The following TXN variants were observed in gnomAD, a reference collection of about 807,000 sequenced individuals.
TXN encodes the protein ADF.
In TXN, 10 loss-of-function variants were observed where a neutral mutation model predicts 16.5. The ratio of observed to expected loss-of-function variants is 0.61; its 90% CI spans 0.37 to 1.03. TXN has a LOEUF of 1.03. Ranked by LOEUF, TXN falls within the 50% of genes least tolerant of loss-of-function variation. The pLI, the probability that TXN is intolerant of heterozygous loss-of-function variation, is 0.01. For synonymous variants in TXN, 35 were observed against 39.4 expected, an observed-to-expected ratio of 0.89 and a Z score of 0.42; for missense variants, 71 against 122.5, an observed-to-expected ratio of 0.58 and a Z score of 1.98.
intron 3 of TXN, among the ~76,000 whole-genome samples, chr9:110,249,378 T>C (rs1289552843): frequency 6.6e-6 from 1 of 151,906 alleles, no homozygotes; most frequent in African/African-American, 2.4e-5. Context: ...TCATCATTCA[T>C]TCATTCCACA....
chr9:110,251,619 A>G (rs551525642), intron 1 of TXN, among the ~76,000 whole-genome samples, 157 bp from the exon 2 acceptor site: 1 of 138,894 alleles, frequency 7.2e-6, no homozygotes, highest in African/African-American at 2.6e-5. Context: ...AAAAATCCCC[A>G]AACAAGCCAA....
In TXN at chr9:110,256,370, G is replaced by A; in HGVS notation, c.24+42C>T. The A allele has an allele frequency of 1.9e-6, 3 of 1,582,902 alleles. No individual in the cohort carries two copies. The highest frequency in any genetic ancestry group is 1.1e-5 in the South Asian group (1 of 88,206). On this transcript the variant is annotated intron_variant, in intron 1 of 4. Coordinates refer to ENST00000374517, the MANE Select transcript of TXN (RefSeq NM_003329.4). The surrounding 1 kb of genome is among the most constrained non-coding windows in gnomAD (Gnocchi z 4.2). ...ACCGCCTTCCCCAGTTACAGAGGCC[G>A]CGCGCGGCGCCGGCACCCTGGCCTT... is the stretch of plus-strand genomic sequence containing the variant.
chr9:110,256,447 G>C lies in TXN; in HGVS notation c.-12C>G. ...ATCTGCTTCACCATCTTGGCTGCTG[G>C]AGTCTGACGAGCGGCTGTAAGGACC... is the stretch of plus-strand genomic sequence containing the variant. On this transcript the variant is annotated 5_prime_UTR_variant, in exon 1 of 5. Transcript: ENST00000374517. The surrounding 1 kb of genome is among the most constrained non-coding windows in gnomAD (Gnocchi z 4.2). 1 of 1,605,686 alleles carries C rather than the reference G, an allele frequency of 6.2e-7. No homozygotes were observed. The highest frequency in any genetic ancestry group is 8.5e-7 in the Non-Finnish European group (1 of 1,176,288).
chr9:110,252,223 CAAA>C (rs377246017), intron 1 of TXN, among the ~76,000 whole-genome samples: 5 of 58,392 alleles, frequency 8.6e-5, no homozygotes, highest in Admixed American at 1.9e-4. Context: ...GACTCTGTCG[CAAA>C]AAAAAAAAAA....
intron 1 of TXN, 49 bp from the exon 2 acceptor site, chr9:110,251,511 C>A (rs1378659177): frequency 1.0e-6 from 1 of 1,003,460 alleles, no homozygotes; most frequent in Non-Finnish European, 1.4e-6. Context: ...AAATATTAAA[C>A]CTTCAAAAGA....
At position 110,245,656 on chromosome 9, in the gene TXN, T is replaced by TA. The variant is rs1587920690; in HGVS notation, c.190-814_190-813insT. 5.3e-4 allele frequency among the ~76,000 whole-genome samples: 34 copies of TA among 64,660 alleles called. 1 individual carries two copies. The East Asian group carries it at 0.013, about 24-fold the overall frequency. The allele number at this position is 64,660 out of a possible 152,430, so 42.4% of individuals were successfully genotyped here. On this transcript the variant is annotated intron_variant, in intron 3 of 4. Transcript: ENST00000374517. ...TATATATATATATATATATATATAT[T>TA]TTTTTTTTTTTTTTTTTATAGGGAC...
intron 3 of TXN, among the ~76,000 whole-genome samples, chr9:110,250,163 A>C (rs1382147703): frequency 2.0e-5 from 3 of 152,242 alleles, no homozygotes; most frequent in African/African-American, 7.2e-5. Context: ...AAACTTCATG[A>C]ACAACCTCTG....
At chr9:110,251,111 C>T (rs1837727868) in intron 2 of TXN, among the ~76,000 whole-genome samples, 1 of 151,916 alleles carries the variant, frequency 6.6e-6, no homozygotes, top group Non-Finnish European at 1.5e-5. Flanking sequence ...TCAAATAAGG[C>T]CCATGTTTCA....
intron 2 of TXN, 75 bp downstream of exon 2, chr9:110,251,283 T>G (rs1837730109): frequency 8.7e-7 from 1 of 1,145,018 alleles, no homozygotes; most frequent in Non-Finnish European, 1.3e-6. Context: ...TTTAACTGTC[T>G]TTCTTTCCTA....
At chr9:110,245,654 A>ATATATTTTT (rs1232332404) in intron 3 of TXN, among the ~76,000 whole-genome samples, 4 of 21,786 alleles carry the variant, frequency 1.8e-4, no homozygotes, top group African/African-American at 4.0e-4. Context: ...ATATATATAT[A>ATATATTTTT]TTTTTTTTTT....
rs1207201880 is a variant in TXN at position 110,244,148 on chromosome 9, A to G, written c.*9T>C. 1 of 1,529,336 alleles carries G rather than the reference A, an allele frequency of 6.5e-7. No individual in the cohort carries two copies. The highest frequency in any genetic ancestry group is 1.3e-5 in the South Asian group (1 of 77,054). The allele number at this position is 1,529,336 out of a possible 1,614,324, so 94.7% of individuals were successfully genotyped here. ...AGCCAATGGCTGGTTATATTTTCAG[A>G]AAACATGATTAGACTAATTCATTAA... On this transcript the variant is annotated 3_prime_UTR_variant, in exon 5 of 5. Coordinates refer to ENST00000374517, the MANE Select transcript of TXN (RefSeq NM_003329.4).
intron 1 of TXN, among the ~76,000 whole-genome samples, chr9:110,255,282 G>A (rs4135165): frequency 0.089 from 13,536 of 152,244 alleles, 685 homozygotes; most frequent in Middle Eastern, 0.16. Flanking sequence ...CGTTCGAGCA[G>A]TATCAATTTC....
In TXN at chr9:110,243,934, C is replaced by A; in HGVS notation, c.*223G>T. The A allele has an allele frequency of 1.1e-5, 3 of 266,084 alleles. No individual in the cohort carries two copies. Among genetic ancestry groups the A allele is most frequent in the Non-Finnish European group, 1.4e-5 (2 of 140,112 alleles). 16.5% of individuals were successfully genotyped at this position (266,084 alleles called of 1,614,324 possible). A position where few individuals can be genotyped will look rare whatever the true frequency, so the allele number is the denominator to read the frequency against. On this transcript the variant is annotated 3_prime_UTR_variant, in exon 5 of 5. Coordinates refer to ENST00000374517, the MANE Select transcript of TXN (RefSeq NM_003329.4). ...AAATAATCAGTGGCCTACAAGGTTA[C>A]TAAAAAGTGATTGAGAATATAGGAA...
intron 2 of TXN, 123 bp from the exon 3 acceptor site, chr9:110,251,002 G>T (rs1324587217): frequency 2.8e-6 from 2 of 707,750 alleles, no homozygotes; most frequent in Non-Finnish European, 4.7e-6. Context: ...CAAAAATTTA[G>T]ATCTTTGGAG....
In TXN at chr9:110,256,315, C is replaced by G; in HGVS notation, c.24+97G>C. The G allele has an allele frequency of 7.5e-7, 1 of 1,338,770 alleles. No homozygotes were observed. The highest frequency in any genetic ancestry group is 1.0e-6 in the Non-Finnish European group (1 of 965,390). 82.9% of individuals were successfully genotyped at this position (1,338,770 alleles called of 1,614,324 possible). A position where few individuals can be genotyped will look rare whatever the true frequency, so the allele number is the denominator to read the frequency against. ...CGATGCGGAGGGGCGGCCTCCGCAC[C>G]TCCCGCCACCGCCTTCCCCACCTCC... On this transcript the variant is annotated intron_variant, in intron 1 of 4. Transcript: ENST00000374517. The surrounding 1 kb of genome is among the most constrained non-coding windows in gnomAD (Gnocchi z 4.2).
chr9:110,253,200 A>C (rs1268553986), intron 1 of TXN, among the ~76,000 whole-genome samples: 14 of 152,142 alleles, frequency 9.2e-5, no homozygotes, highest in Admixed American at 9.2e-4. Flanking sequence ...TCATGTACTA[A>C]TAGTTACTTC....
intron 1 of TXN, among the ~76,000 whole-genome samples, chr9:110,253,725 C>CGTA (rs1837770127): frequency 2.0e-5 from 3 of 152,220 alleles, no homozygotes; most frequent in African/African-American, 7.2e-5. Flanking sequence ...TGAGTTACAC[C>CGTA]CCACGTATGT....
intron 1 of TXN, among the ~76,000 whole-genome samples, chr9:110,255,332 C>T (rs1348642090): frequency 6.6e-6 from 1 of 152,264 alleles, no homozygotes; most frequent in Non-Finnish European, 1.5e-5. Context: ...ACAAATATTT[C>T]TGGAGTGGCT....
intron 3 of TXN, among the ~76,000 whole-genome samples, chr9:110,245,618 C>CTATATATA (rs1170640168): frequency 1.3e-3 from 40 of 30,882 alleles, no homozygotes; most frequent in South Asian, 2.3e-3. Context: ...CACACACACA[C>CTATATATA]TATATATATA....
Sources: gnomAD v4.1 joint callset for allele counts (sites outside exome capture counted in the v4.1 genomes callset) on GRCh38, gnomAD v4.1.1 for gene constraint, Gnocchi (gnomAD v3.1) non-coding constraint, MANE v1.5 for transcripts, NCBI Gene and HGNC (gene_info 2026-07-23, HGNC 2026-07-21) for gene names.